The following VPS13B variants were observed in gnomAD, a reference collection of about 807,000 sequenced individuals.
VPS13B encodes the protein vacuolar protein sorting 13 homolog B, also known as intermembrane lipid transfer protein VPS13B.
Under a neutral mutation model 426.4 loss-of-function variants are expected in VPS13B, and 285 were observed. The ratio of observed to expected loss-of-function variants is 0.67; its 90% CI spans 0.61 to 0.74. VPS13B has a LOEUF of 0.74. Ranked by LOEUF, VPS13B falls within the 30% of genes least tolerant of loss-of-function variation. VPS13B has a pLI of 0.00. For missense variants in VPS13B, 4,537 were observed against 4,782.6 expected, an observed-to-expected ratio of 0.95 and a Z score of 1.51; for synonymous variants, 1,676 against 1,676.4, an observed-to-expected ratio of 1.00 and a Z score of 0.01.
intron 19 of VPS13B, among the ~76,000 whole-genome samples, chr8:99,282,773 A>C (rs1190305821): frequency 6.6e-6 from 1 of 152,342 alleles, no homozygotes; most frequent in Non-Finnish European, 1.5e-5. Context: ...ACGTATCTTT[A>C]AATGTAATGC....
chr8:99,130,873 T>C (rs929292480), intron 8 of VPS13B, among the ~76,000 whole-genome samples: 7 of 152,084 alleles, frequency 4.6e-5, no homozygotes, highest in South Asian at 2.1e-4. Flanking sequence ...TACATAAAAA[T>C]ATAAAATATA....
At chr8:99,335,440 T>G (rs1810788204) in intron 19 of VPS13B, among the ~76,000 whole-genome samples, 1 of 152,156 alleles carries the variant, frequency 6.6e-6, no homozygotes, top group Non-Finnish European at 1.5e-5. Flanking sequence ...TTCTTTTAAT[T>G]GTGATGTTAG....
At chr8:99,437,863 C>T (rs918540540) in intron 22 of VPS13B, among the ~76,000 whole-genome samples, 1 of 152,078 alleles carries the variant, frequency 6.6e-6, no homozygotes, top group Non-Finnish European at 1.5e-5. Context: ...ATTCCAGAAG[C>T]ACATAATTGG....
In VPS13B at chr8:99,038,463, A is replaced by C; in HGVS notation, c.188A>C (p.His63Pro). The C allele has an allele frequency of 1.2e-6, 2 of 1,609,520 alleles. No individual in the cohort carries two copies. The highest frequency in any genetic ancestry group is 1.7e-6 in the Non-Finnish European group (2 of 1,177,286). ...TTCACTTTTTTAAGTGGACATATTC[A>C]TGAATTGAGGATTCATGTACCATGG... is the stretch of plus-strand genomic sequence containing the variant. Reference protein sequence around the residue: ...LPFTFLSGHIHELRIHVPWTK... With the variant: ...LPFTFLSGHIPELRIHVPWTK... The change falls in exon 3 of 62, where the codon CAT becomes CCT. Residue 63 changes from histidine (H) to proline (P), a missense_variant. By Grantham distance (77) the His-to-Pro change is moderately conservative. Around this residue, in one of 2 missense-constraint regions of VPS13B, gnomAD observed 226 missense variants for 308.3 expected, o/e 0.73. Transcript: ENST00000357162.
At chr8:99,198,769 A>G (rs1236470086) in intron 17 of VPS13B, among the ~76,000 whole-genome samples, 1 of 152,126 alleles carries the variant, frequency 6.6e-6, no homozygotes, top group African/African-American at 2.4e-5. Flanking sequence ...AATTTATAAC[A>G]GATTAAAGAG....
chr8:99,143,772 A>G (rs1431397084), intron 13 of VPS13B, among the ~76,000 whole-genome samples: 3 of 152,184 alleles, frequency 2.0e-5, no homozygotes, highest in Non-Finnish European at 4.4e-5. Context: ...TTTAATTAAC[A>G]TCTTTGATGT....
intron 19 of VPS13B, among the ~76,000 whole-genome samples, chr8:99,281,879 A>G (rs1563645256): frequency 1.3e-5 from 2 of 152,186 alleles, no homozygotes; most frequent in Non-Finnish European, 1.5e-5. Flanking sequence ...TTGTATCTGA[A>G]TGATCTAATC....
At chr8:99,045,905 G>A (rs1843222003) in intron 3 of VPS13B, among the ~76,000 whole-genome samples, 1 of 152,098 alleles carries the variant, frequency 6.6e-6, no homozygotes, top group African/African-American at 2.4e-5. Context: ...ATTGGTCTAT[G>A]TGCCTATTTT....
chr8:99,110,662 G>A (rs1039947760), intron 5 of VPS13B, among the ~76,000 whole-genome samples: 29 of 151,852 alleles, frequency 1.9e-4, no homozygotes, highest in Admixed American at 1.8e-3. Context: ...GATAGTGCAA[G>A]TTTAGAGTAG....
intron 19 of VPS13B, among the ~76,000 whole-genome samples, chr8:99,360,282 C>CTTTT: frequency 7.5e-6 from 1 of 132,840 alleles, no homozygotes; most frequent in African/African-American, 2.9e-5. Context: ...TTCCTTCCTT[C>CTTTT]TTTCTTTTTT....
rs796982584 is a variant in VPS13B at position 99,654,527 on chromosome 8, A to G, written c.5909-6827A>G. Among the ~76,000 whole-genome samples the G allele has an allele frequency of 2.4e-4, 37 of 152,304 alleles. 1 individual carries two copies. Among genetic ancestry groups the G allele is most frequent in the Middle Eastern group, 3.4e-3 (1 of 294 alleles). On this transcript the variant is annotated intron_variant, in intron 34 of 61. Transcript: ENST00000357162. ...GAAAATATATTTTCTCCAAGTAAGT[A>G]TAGAAAAATGTATGAAACTCAGTAA...
intron 24 of VPS13B, among the ~76,000 whole-genome samples, chr8:99,479,770 G>A (rs1819941090): frequency 6.6e-6 from 1 of 152,170 alleles, no homozygotes; most frequent in Admixed American, 6.5e-5. Flanking sequence ...ATCCTGTCAT[G>A]TGAATGTACT....
intron 30 of VPS13B, among the ~76,000 whole-genome samples, chr8:99,536,235 C>A (rs1823215006): frequency 6.6e-6 from 1 of 152,124 alleles, no homozygotes; most frequent in East Asian, 1.9e-4. Flanking sequence ...AGATGCCAGC[C>A]ACCGTGCCCG....
intron 3 of VPS13B, among the ~76,000 whole-genome samples, chr8:99,058,666 T>C (rs1344876368): frequency 6.6e-6 from 1 of 152,152 alleles, no homozygotes; most frequent in Admixed American, 6.6e-5. Flanking sequence ...GGGAAGGGAT[T>C]GGAGGAAATA....
intron 23 of VPS13B, among the ~76,000 whole-genome samples, chr8:99,451,490 A>T (rs994217939): frequency 2.6e-5 from 4 of 152,144 alleles, no homozygotes; most frequent in Non-Finnish European, 4.4e-5. Flanking sequence ...AATCTTATGT[A>T]TTGCTGGCTA....
chr8:99,738,128 C>T (rs1268861771), intron 39 of VPS13B, among the ~76,000 whole-genome samples: 3 of 152,190 alleles, frequency 2.0e-5, no homozygotes. Context: ...GATCTGGAAA[C>T]ATACATAAGA....
rs16897391 is a variant in VPS13B at position 99,481,676 on chromosome 8, A to G, written c.3744A>G (p.Leu1248=). 1.8e-3 allele frequency: 2,873 copies of G among 1,613,970 alleles called. 61 individuals are homozygous for G. The African/African-American group carries it at 0.034, about 19-fold the overall frequency. ...TTCAGAAGAGAGGCAATCTCAACCT[A>G]TCTCCAACCTCTCCAGAGACCATGG... is the stretch of plus-strand genomic sequence containing the variant. ...NKIQKRGNLN[L]SPTSPETMAG... Residue 1248 remains leucine, a synonymous_variant, in exon 25 of 62, where the codon CTA becomes CTG. Transcript: ENST00000357162.
chr8:99,044,983 G>T (rs987192392), intron 3 of VPS13B, among the ~76,000 whole-genome samples: 10 of 66,524 alleles, frequency 1.5e-4, no homozygotes, highest in African/African-American at 4.2e-4. Flanking sequence ...ATTGTGAATT[G>T]TTTTGCTATA....
At chr8:99,341,042 A>G (rs1811215286) in intron 19 of VPS13B, 1 of 271,724 alleles carries the variant, frequency 3.7e-6, no homozygotes, top group Admixed American at 4.0e-5. Context: ...ATTCCCATGG[A>G]TAGATTATAA....
Sources: gnomAD v4.1 joint callset for allele counts (sites outside exome capture counted in the v4.1 genomes callset) on GRCh38, gnomAD v4.1.1 for gene constraint, gnomAD v4.1.1 regional missense constraint, MANE v1.5 for transcripts, NCBI Gene and HGNC (gene_info 2026-07-23, HGNC 2026-07-21) for gene names.